The following TEKT3 variants were observed in gnomAD, a reference collection of about 807,000 sequenced individuals.
The protein encoded by TEKT3 is tektin-3.
Under a neutral mutation model 49.8 loss-of-function variants are expected in TEKT3, and 49 were observed. The ratio of observed to expected loss-of-function variants is 0.98; its 90% CI spans 0.78 to 1.25. The LOEUF (loss-of-function observed/expected upper bound fraction) is 1.25. Among genes scored for constraint, TEKT3 ranks in the 50% most tolerant of loss-of-function variants. The pLI is 0.00. For missense variants in TEKT3, 595 were observed against 629.5 expected (o/e 0.95, Z 0.59); for synonymous variants, 225 against 237.2 (o/e 0.95, Z 0.47).
rs760933764 is a variant in TEKT3 at position 15,331,504 on chromosome 17, T to A, written c.82A>T (p.Thr28Ser). The A allele has an allele frequency of 2.5e-6, 4 of 1,614,104 alleles. No individual in the cohort carries two copies. Among genetic ancestry groups the A allele is most frequent in the Non-Finnish European group, 3.4e-6 (4 of 1,180,010 alleles). Residue 28 changes from threonine to serine, a missense_variant, in exon 3 of 9, where the codon ACC becomes TCC. Transcript: ENST00000395930. Reference protein sequence around the residue: ...TPTNFLPAISTMASSYRDRFP... With the variant: ...TPTNFLPAISSMASSYRDRFP... ...CGGTCCCTGTAGCTTGAGGCCATGGTACTGATGGCTGGTAGAAAGTTGGTT... is the reference window on the plus strand; with the variant it reads ...CGGTCCCTGTAGCTTGAGGCCATGGAACTGATGGCTGGTAGAAAGTTGGTT...
At chr17:15,332,828 G>T (rs2150752047) in intron 2 of TEKT3, among the ~76,000 whole-genome samples, 1 of 152,178 alleles carries the variant, frequency 6.6e-6, no homozygotes, top group South Asian at 2.1e-4. Flanking sequence ...TCCCCGCAAA[G>T]GTGAACTCCT....
intron 2 of TEKT3, among the ~76,000 whole-genome samples, chr17:15,337,684 A>C (rs1231361391): frequency 1.3e-5 from 2 of 152,172 alleles, no homozygotes. Context: ...TCCACTAAAA[A>C]TACAAAAATT....
In TEKT3 at chr17:15,312,263, G is replaced by A; in HGVS notation, c.1097C>T (p.Ala366Val). 3 of 1,613,970 alleles carry A rather than the reference G, an allele frequency of 1.9e-6. No individual in the cohort carries two copies. Among genetic ancestry groups the A allele is most frequent in the East Asian group, 2.2e-5 (1 of 44,890 alleles). ...DAKNKIQTHL[A>V]KTLQEIFQTE... is the part of the protein sequence containing the mutation. ...TACCACTGGCGGTTGATTTACCTTT[G>A]CTAAGTGCGTCTGAATCTTATTCTT... Residue 366 changes from alanine (A) to valine (V), a missense_variant, in exon 7 of 9, where the codon GCA becomes GTA. Ala to Val is a moderately conservative substitution (Grantham distance 64). Transcript: ENST00000395930.
At chr17:15,327,443 G>C (rs985028013) in intron 4 of TEKT3, among the ~76,000 whole-genome samples, 1 of 152,076 alleles carries the variant, frequency 6.6e-6, no homozygotes, top group East Asian at 1.9e-4. Context: ...TTGAACCTAG[G>C]AGGCAGAGGT....
intron 2 of TEKT3, among the ~76,000 whole-genome samples, chr17:15,333,021 CTTT>C (rs77102758): frequency 2.1e-5 from 3 of 143,780 alleles, no homozygotes; most frequent in African/African-American, 2.6e-5. Context: ...CATTGTAGAT[CTTT>C]TTTTTTTTTT....
rs1411085589 is a variant in TEKT3 at position 15,329,334 on chromosome 17, A to C, written c.580-1259T>G. 3.9e-5 allele frequency among the ~76,000 whole-genome samples: 6 copies of C among 152,240 alleles called. No homozygotes were observed. In the South Asian group the frequency reaches 8.3e-4, roughly 21 times the overall value. On this transcript the variant is annotated intron_variant, in intron 3 of 8. Transcript: ENST00000395930. ...ATACTGTGTTGACAATAAATTTTCA[A>C]ACACACAAGAACATCTGGACAAAAA...
intron 2 of TEKT3, among the ~76,000 whole-genome samples, chr17:15,338,812 A>G (rs1044570578): frequency 1.3e-5 from 2 of 151,240 alleles, no homozygotes; most frequent in East Asian, 3.9e-4. Context: ...CACCGCGCCC[A>G]GCCAGTCAAT....
chr17:15,337,697 C>T (rs928458875), intron 2 of TEKT3, among the ~76,000 whole-genome samples: 2 of 152,124 alleles, frequency 1.3e-5, no homozygotes, highest in South Asian at 2.1e-4. Flanking sequence ...CAAAAATTAG[C>T]CGGGCATGGT....
At chr17:15,319,372 T>G (rs1294998797) in intron 4 of TEKT3, among the ~76,000 whole-genome samples, 2 of 152,132 alleles carry the variant, frequency 1.3e-5, no homozygotes, top group Non-Finnish European at 2.9e-5. Context: ...CATGGGGAAA[T>G]TATATTATGG....
intron 5 of TEKT3, among the ~76,000 whole-genome samples, chr17:15,314,856 G>A (rs1910934406): frequency 6.6e-6 from 1 of 152,116 alleles, no homozygotes; most frequent in African/African-American, 2.4e-5. Context: ...GTCCACCCAG[G>A]CTCACACACT....
chr17:15,318,135 G>A lies in TEKT3; in HGVS notation c.734+942C>T, dbSNP rs781562638. Among the ~76,000 whole-genome samples the A allele has an allele frequency of 1.1e-3, 160 of 151,838 alleles. 2 individuals carry two copies. The highest frequency in any genetic ancestry group is 1.7e-3 in the East Asian group (9 of 5,146). On this transcript the variant is annotated intron_variant, in intron 5 of 8. Transcript: ENST00000395930. ...CTCCCGAGTAGCTGGGACTACAGGCGCCTGCCACCATGCCCGGCTAATTTT... is the reference window on the plus strand; with the variant it reads ...CTCCCGAGTAGCTGGGACTACAGGCACCTGCCACCATGCCCGGCTAATTTT...
chr17:15,333,985 G>A (rs745668146), intron 2 of TEKT3, among the ~76,000 whole-genome samples: 1 of 151,880 alleles, frequency 6.6e-6, no homozygotes, highest in Non-Finnish European at 1.5e-5. Flanking sequence ...GGATGGTCTG[G>A]ATCTCCTGAC....
intron 2 of TEKT3, among the ~76,000 whole-genome samples, chr17:15,336,144 C>A (rs900808517): frequency 6.6e-6 from 1 of 151,692 alleles, no homozygotes; most frequent in Admixed American, 6.6e-5. Flanking sequence ...ACACACACAA[C>A]CCCCTGCTGC....
chr17:15,312,183 TG>T, intron 7 of TEKT3, 75 bp downstream of exon 7: 1 of 1,392,352 alleles, frequency 7.2e-7, no homozygotes. Flanking sequence ...TCTCTGGGAG[TG>T]GTGAGAGATT....
At chr17:15,329,162 T>C (rs963946423) in intron 3 of TEKT3, among the ~76,000 whole-genome samples, 2 of 152,214 alleles carry the variant, frequency 1.3e-5, no homozygotes, top group Admixed American at 6.5e-5. Flanking sequence ...TTATTGCAAA[T>C]TTGATAGGCC....
At chr17:15,334,724 G>A (rs1911914611) in intron 2 of TEKT3, among the ~76,000 whole-genome samples, 1 of 152,178 alleles carries the variant, frequency 6.6e-6, no homozygotes, top group South Asian at 2.1e-4. Flanking sequence ...GTTTCATATG[G>A]AGAGAATATT....
At chr17:15,316,415 G>A (rs1239012318) in intron 5 of TEKT3, among the ~76,000 whole-genome samples, 1 of 152,114 alleles carries the variant, frequency 6.6e-6, no homozygotes, top group Non-Finnish European at 1.5e-5. Context: ...TGGAACAGTG[G>A]TTGAAAACAT....
At chr17:15,331,709 G>T in intron 2 of TEKT3, 95 bp from the exon 3 acceptor site, 1 of 902,564 alleles carries the variant, frequency 1.1e-6, no homozygotes, top group Non-Finnish European at 1.6e-6. Context: ...AGTATCAGTT[G>T]CAGAGGCCCC....
intron 8 of TEKT3, among the ~76,000 whole-genome samples, chr17:15,305,324 A>G (rs7224677): frequency 0.24 from 36,983 of 152,062 alleles, 4,738 homozygotes; most frequent in Middle Eastern, 0.33. Context: ...GCTGTGCAAC[A>G]CCTTTCATCT....
Sources: allele counts gnomAD v4.1 joint callset (sites outside exome capture counted in the v4.1 genomes callset), GRCh38; gene constraint gnomAD v4.1.1; transcripts MANE v1.5; gene names NCBI Gene and HGNC (gene_info 2026-07-23, HGNC 2026-07-21).